CPNE8: variants seen among roughly 807,000 people sequenced by gnomAD.
The protein encoded by CPNE8 is copine-8.
CPNE8 carries 45 observed loss-of-function variants against 81.5 expected under a neutral mutation model. That is an observed-to-expected ratio of 0.55 (90% CI 0.44 to 0.71). CPNE8 has a LOEUF of 0.71. Ranked by LOEUF, CPNE8 falls within the 30% of genes least tolerant of loss-of-function variation. The pLI, the probability that CPNE8 is intolerant of heterozygous loss-of-function variation, is 0.00. For synonymous variants in CPNE8, 252 were observed against 226.3 expected (o/e 1.11, Z -1.02); for missense variants, 594 against 672.1 (o/e 0.88, Z 1.28).
chr12:38,843,847 G>T (rs1450041571), intron 4 of CPNE8, among the ~76,000 whole-genome samples: 2 of 152,058 alleles, frequency 1.3e-5, no homozygotes, highest in African/African-American at 2.4e-5. Context: ...GTCCTGCAAG[G>T]AGCTGGGCAA....
intron 19 of CPNE8, among the ~76,000 whole-genome samples, chr12:38,656,465 T>G (rs1478464982): frequency 6.6e-6 from 1 of 152,212 alleles, no homozygotes; most frequent in East Asian, 1.9e-4. Context: ...TATCTTACCT[T>G]TACCTCAACT....
intron 18 of CPNE8, among the ~76,000 whole-genome samples, chr12:38,672,017 A>G (rs1445325958): frequency 1.3e-5 from 2 of 152,180 alleles, no homozygotes; most frequent in Non-Finnish European, 2.9e-5. Context: ...ATTATGTTCA[A>G]ATACTTTCAG....
intron 5 of CPNE8, among the ~76,000 whole-genome samples, chr12:38,838,373 A>G (rs1281164971): frequency 1.3e-5 from 2 of 152,168 alleles, no homozygotes; most frequent in East Asian, 1.9e-4. Context: ...TATCTCACTC[A>G]CAACTCACCA....
chr12:38,881,741 C>T (rs1185024571), intron 1 of CPNE8, among the ~76,000 whole-genome samples: 2 of 152,134 alleles, frequency 1.3e-5, no homozygotes, highest in African/African-American at 2.4e-5. Flanking sequence ...TTTGTCAGAA[C>T]TTGACATGTC....
chr12:38,724,026 C>A (rs1940636021), intron 12 of CPNE8, among the ~76,000 whole-genome samples, 193 bp from the exon 13 acceptor site: 1 of 152,098 alleles, frequency 6.6e-6, no homozygotes, highest in Admixed American at 6.5e-5. Flanking sequence ...AAAAAATTAA[C>A]CAATGTCTTT....
In CPNE8 at chr12:38,652,441, A is replaced by G. The variant is rs1245203176; in HGVS notation, c.*1441T>C. On this transcript the variant is annotated 3_prime_UTR_variant, in exon 20 of 20. Coordinates refer to ENST00000331366, the MANE Select transcript of CPNE8 (RefSeq NM_153634.3). ...AACATTGATACTGTTAGATATGTGG[A>G]TGTATATATTTTTCTTTCCAGTAAA... 1.3e-5 allele frequency: 2 copies of G among 152,736 alleles called. No individual in the cohort carries two copies. Among genetic ancestry groups the G allele is most frequent in the East Asian group, 3.9e-4 (2 of 5,190 alleles). The allele number at this position is 152,736 out of a possible 1,614,324, so 9.5% of individuals were successfully genotyped here. A position where few individuals can be genotyped will look rare whatever the true frequency, so the allele number is the denominator to read the frequency against.
chr12:38,751,836 A>G, intron 10 of CPNE8, among the ~76,000 whole-genome samples: 1 of 152,156 alleles, frequency 6.6e-6, no homozygotes, highest in East Asian at 1.9e-4. Flanking sequence ...GTCCCTTATA[A>G]CATCACTTTT....
rs138677712 is a variant in CPNE8, at chr12:38,839,788, T to G, written c.330+128A>C. 1.4e-4 allele frequency: 124 copies of G among 885,920 alleles called. No individual in the cohort carries two copies. In the African/African-American group the frequency reaches 1.7e-3, roughly 12 times the overall value. The allele number at this position is 885,920 out of a possible 1,614,324, so 54.9% of individuals were successfully genotyped here. Reference sequence around the variant, plus strand: ...TTTTTCTGGGGTTCTTTTAAAATGTTACTTATTTTCTATGACAATCACGTT... The same window carrying G: ...TTTTTCTGGGGTTCTTTTAAAATGTGACTTATTTTCTATGACAATCACGTT... On this transcript the variant is annotated intron_variant, in intron 5 of 19. Coordinates refer to ENST00000331366, the MANE Select transcript of CPNE8 (RefSeq NM_153634.3).
Position 38,812,165 on chromosome 12 carries a change from C to T in CPNE8, c.407+17214G>A, listed in dbSNP as rs144223784. On this transcript the variant is annotated intron_variant, in intron 6 of 19. Transcript: ENST00000331366. ...ACACAGAAGGTGGCAGGAACTGGGT[C>T]TACTAAAAAGGTGAGTACAAATAGG... 3.6e-3 allele frequency among the ~76,000 whole-genome samples: 543 copies of T among 152,228 alleles called. 2 individuals are homozygous for T. Among genetic ancestry groups the T allele is most frequent in the African/African-American group, 0.013 (520 of 41,538 alleles).
upstream of CPNE8, chr12:38,905,733 G>T: frequency 7.1e-7 from 1 of 1,415,462 alleles, no homozygotes. Context: ...GCCAGTCCTG[G>T]GTGAAACTGA....
chr12:38,752,422 C>T (rs1230699960), intron 10 of CPNE8, among the ~76,000 whole-genome samples: 2 of 152,130 alleles, frequency 1.3e-5, no homozygotes, highest in Non-Finnish European at 1.5e-5. Context: ...TGGCTATTAC[C>T]TCAGCTTCCC....
chr12:38,806,926 CA>C (rs1942821633), intron 6 of CPNE8, among the ~76,000 whole-genome samples: 1 of 150,296 alleles, frequency 6.7e-6, no homozygotes, highest in Non-Finnish European at 1.5e-5. Context: ...AATCAATGTA[CA>C]AAAATCACAA....
intron 3 of CPNE8, among the ~76,000 whole-genome samples, chr12:38,849,710 T>A (rs1410186741): frequency 1.3e-5 from 2 of 152,204 alleles, no homozygotes; most frequent in Non-Finnish European, 2.9e-5. Context: ...TTGGACAATG[T>A]TTTATATCAC....
intron 6 of CPNE8, among the ~76,000 whole-genome samples, chr12:38,802,747 G>A (rs1454769776): frequency 6.7e-6 from 1 of 149,882 alleles, no homozygotes; most frequent in Non-Finnish European, 1.5e-5. Context: ...CAACAAAATT[G>A]ATAGACCGCT....
At chr12:38,749,519 G>A (rs1941307486) in intron 10 of CPNE8, among the ~76,000 whole-genome samples, 1 of 152,190 alleles carries the variant, frequency 6.6e-6, no homozygotes, top group Non-Finnish European at 1.5e-5. Flanking sequence ...ACTTCATAGA[G>A]TCTTGTTGAA....
At chr12:38,811,610 T>G (rs887262492) in intron 6 of CPNE8, among the ~76,000 whole-genome samples, 4 of 151,838 alleles carry the variant, frequency 2.6e-5, no homozygotes, top group Non-Finnish European at 5.9e-5. Flanking sequence ...GTCCCAGCAC[T>G]TTCAGAGGCT....
At chr12:38,848,917 G>A (rs1021340516) in intron 3 of CPNE8, among the ~76,000 whole-genome samples, 2 of 151,940 alleles carry the variant, frequency 1.3e-5, no homozygotes, top group African/African-American at 4.8e-5. Context: ...CTCCCTACTT[G>A]AAAGTTAAAT....
chr12:38,827,591 T>C (rs531812406), intron 6 of CPNE8, among the ~76,000 whole-genome samples: 1 of 152,316 alleles, frequency 6.6e-6, no homozygotes, highest in South Asian at 2.1e-4. Context: ...AATGGTGGAC[T>C]GGATAAATAA....
At chr12:38,846,989 A>C (rs1022204471) in intron 4 of CPNE8, among the ~76,000 whole-genome samples, 1 of 152,150 alleles carries the variant, frequency 6.6e-6, no homozygotes, top group Non-Finnish European at 1.5e-5. Context: ...ATATCTGCAA[A>C]ATACAAGGTA....
Sources: allele counts gnomAD v4.1 joint callset (sites outside exome capture counted in the v4.1 genomes callset), GRCh38; gene constraint gnomAD v4.1.1; transcripts MANE v1.5; gene names NCBI Gene and HGNC (gene_info 2026-07-23, HGNC 2026-07-21).